Variants in REEP1 observed in about 807,000 individuals in gnomAD.
REEP1 encodes receptor accessory protein 1, also known as receptor expression-enhancing protein 1.
In REEP1, 22 loss-of-function variants were observed where a neutral mutation model predicts 40.3. That is an observed-to-expected ratio of 0.55 (90% CI 0.39 to 0.78). REEP1 has a LOEUF of 0.78. REEP1 is among the 30% of genes least tolerant of loss of function. The probability of loss-of-function intolerance (pLI) is 0.00; values close to 1 mark genes in which losing one functional copy is unlikely to be tolerated. For missense variants in REEP1, 280 were observed against 361.1 expected (o/e 0.78, Z 1.82); for synonymous variants, 116 against 139.2 (o/e 0.83, Z 1.17).
intron 2 of REEP1, among the ~76,000 whole-genome samples, chr2:86,276,343 T>C (rs557043106): frequency 2.6e-5 from 4 of 152,350 alleles, no homozygotes; most frequent in African/African-American, 9.6e-5. Context: ...ATTCATTTTT[T>C]CTGCATGTGG....
intron 2 of REEP1, among the ~76,000 whole-genome samples, chr2:86,271,817 G>C (rs1466529245): frequency 2.0e-5 from 3 of 152,218 alleles, no homozygotes; most frequent in Non-Finnish European, 4.4e-5. Flanking sequence ...TCAGTATCCA[G>C]ACACATTGTC....
At position 86,252,002 on chromosome 2, in the gene REEP1, C is replaced by A; in HGVS notation, c.372G>T (p.Arg124=). Residue 124 remains arginine, a synonymous_variant, in exon 5 of 9, where the codon CGG becomes CGT. Coordinates refer to ENST00000538924, the MANE Select transcript of REEP1 (RefSeq NM_001371279.1). ...CCGCTGTGGCGGCCACGTTCAAGCC[C>A]CGCTTCCCGAAGTGCACAAGGGCAT... ...SYDALVHFGK[R]GLNVAATAAV... is the part of the protein sequence containing the mutation. The A allele has an allele frequency of 6.2e-7, 1 of 1,614,116 alleles. No homozygotes were observed. Among genetic ancestry groups the A allele is most frequent in the East Asian group, 2.2e-5 (1 of 44,878 alleles).
At chr2:86,307,248 T>C (rs982444150) in intron 1 of REEP1, among the ~76,000 whole-genome samples, 6 of 149,962 alleles carry the variant, frequency 4.0e-5, no homozygotes, top group African/African-American at 1.5e-4. Context: ...TTCTACTTTA[T>C]GGAATCTAGC....
chr2:86,294,842 C>T lies in REEP1; in HGVS notation c.33-12600G>A, dbSNP rs142979211. On this transcript the variant is annotated intron_variant, in intron 1 of 8. Transcript: ENST00000538924. Reference sequence around the variant, plus strand: ...TAATTGTGTGGCTCATAAGAAATTACCATGATTCCAGGCCACTGGGTTTGT... The same window carrying T: ...TAATTGTGTGGCTCATAAGAAATTATCATGATTCCAGGCCACTGGGTTTGT... 6.9e-4 allele frequency among the ~76,000 whole-genome samples: 105 copies of T among 152,146 alleles called. 3 individuals carry two copies. The South Asian group carries it at 0.013, about 18-fold the overall frequency.
intron 3 of REEP1, among the ~76,000 whole-genome samples, chr2:86,261,709 C>T (rs1256427722): frequency 1.3e-5 from 2 of 152,088 alleles, no homozygotes; most frequent in Non-Finnish European, 2.9e-5. Context: ...TCCCCCAGCC[C>T]GACACCTGTA....
chr2:86,287,081 C>T (rs1329493211), intron 1 of REEP1, among the ~76,000 whole-genome samples: 2 of 152,076 alleles, frequency 1.3e-5, no homozygotes, highest in Non-Finnish European at 2.9e-5. Flanking sequence ...TAAAACTGTA[C>T]ACATCTTATT....
intron 5 of REEP1, among the ~76,000 whole-genome samples, chr2:86,237,871 T>C (rs1675445582): frequency 6.6e-6 from 1 of 151,958 alleles, no homozygotes. Flanking sequence ...TGTCTAAGAG[T>C]CTTTTTGATA....
At chr2:86,278,688 G>C (rs527421828) in intron 2 of REEP1, among the ~76,000 whole-genome samples, 15 of 152,298 alleles carry the variant, frequency 9.8e-5, no homozygotes, top group Admixed American at 2.6e-4. Context: ...CCCCTATCCA[G>C]GACTGTGCAC....
chr2:86,319,725 AG>A (rs565311081), intron 1 of REEP1, among the ~76,000 whole-genome samples: 37 of 152,266 alleles, frequency 2.4e-4, no homozygotes, highest in Non-Finnish European at 5.1e-4. Context: ...AAAGAAGAAA[AG>A]AAAAAGAAAA....
At chr2:86,239,766 A>T (rs1398900639) in intron 5 of REEP1, among the ~76,000 whole-genome samples, 1 of 152,252 alleles carries the variant, frequency 6.6e-6, no homozygotes, top group Non-Finnish European at 1.5e-5. Flanking sequence ...AAACAAAGAA[A>T]AGAAAAAACC....
At chr2:86,301,815 A>G (rs6547673) in intron 1 of REEP1, among the ~76,000 whole-genome samples, 68,155 of 152,046 alleles carry the variant, frequency 0.45, 15,454 homozygotes, top group Non-Finnish European at 0.48. Context: ...CAACAGATGC[A>G]CCTGTCCAAG....
chr2:86,216,921 T>G lies in REEP1; in HGVS notation c.*118A>C. The G allele has an allele frequency of 1.3e-6, 1 of 783,844 alleles. No individual in the cohort carries two copies. Among genetic ancestry groups the G allele is most frequent in the Non-Finnish European group, 2.2e-6 (1 of 461,818 alleles). The allele number at this position is 783,844 out of a possible 1,614,324, so 48.6% of individuals were successfully genotyped here. ...GGAAGGGGAGAGAGAAAAGGCCATGTTTGTGAGGCTGCACACTCAAAGCAC... is the reference window on the plus strand; with the variant it reads ...GGAAGGGGAGAGAGAAAAGGCCATGGTTGTGAGGCTGCACACTCAAAGCAC... On this transcript the variant is annotated 3_prime_UTR_variant, in exon 9 of 9. Coordinates refer to ENST00000538924, the MANE Select transcript of REEP1 (RefSeq NM_001371279.1).
intron 5 of REEP1, among the ~76,000 whole-genome samples, chr2:86,233,471 T>G (rs1675137734): frequency 6.6e-6 from 1 of 152,194 alleles, no homozygotes; most frequent in African/African-American, 2.4e-5. Context: ...CATTTCATAT[T>G]CTGAGGGAGA....
intron 2 of REEP1, among the ~76,000 whole-genome samples, chr2:86,269,722 G>GA (rs1452167122): frequency 6.6e-6 from 1 of 151,656 alleles, no homozygotes; most frequent in Admixed American, 6.6e-5. Context: ...AGGTGGTCAG[G>GA]AAAAAATAAT....
Position 86,217,684 on chromosome 2 carries a change from T to TTTTTTTTTTTTC in REEP1, c.784-575_784-574insGAAAAAAAAAAA, listed in dbSNP as rs1553456158. 8.5e-4 allele frequency among the ~76,000 whole-genome samples: 108 copies of TTTTTTTTTTTTC among 127,794 alleles called. 2 individuals are homozygous for TTTTTTTTTTTTC. Among genetic ancestry groups the TTTTTTTTTTTTC allele is most frequent in the Middle Eastern group, 4.4e-3 (1 of 226 alleles). 83.8% of individuals were successfully genotyped at this position (127,794 alleles called of 152,430 possible). ...ATTTCAGATTTTTTTTTTTTTTTTT[T>TTTTTTTTTTTTC]CAGATTTTGGGATGTTTGCATATAC... On this transcript the variant is annotated intron_variant, in intron 8 of 8. Coordinates refer to ENST00000538924, the MANE Select transcript of REEP1 (RefSeq NM_001371279.1).
intron 5 of REEP1, among the ~76,000 whole-genome samples, chr2:86,235,189 A>G (rs945107879): frequency 5.9e-5 from 9 of 152,218 alleles, no homozygotes; most frequent in Non-Finnish European, 1.3e-4. Context: ...GAAAGCGGAG[A>G]ACGACAAATG....
At chr2:86,295,801 G>A (rs1044589189) in intron 1 of REEP1, among the ~76,000 whole-genome samples, 7 of 152,172 alleles carry the variant, frequency 4.6e-5, no homozygotes, top group Non-Finnish European at 8.8e-5. Flanking sequence ...GGCCTCCCAA[G>A]GTGCTAGGAT....
Position 86,217,635 on chromosome 2 carries a change from T to C in REEP1, c.784-525A>G, listed in dbSNP as rs183098355. The stretch of plus-strand genomic sequence containing the variant: ...AGGTTGAATATCCCTTATCCGGAAA[T>C]GCCTGGAGTCAGAAGTGTTTGGGAT... On this transcript the variant is annotated intron_variant, in intron 8 of 8. Transcript: ENST00000538924. Among the ~76,000 whole-genome samples the C allele has an allele frequency of 6.6e-4, 99 of 149,954 alleles. 2 individuals are homozygous for C. The highest frequency in any genetic ancestry group is 5.5e-3 in the Admixed American group (82 of 14,964).
chr2:86,232,783 T>C lies in REEP1; in HGVS notation c.437A>G (p.Glu146Gly), dbSNP rs368685628. The C allele has an allele frequency of 6.2e-7, 1 of 1,602,382 alleles. No individual in the cohort carries two copies. The highest frequency in any genetic ancestry group is 8.5e-7 in the Non-Finnish European group (1 of 1,179,924). Reference protein sequence around the residue: ...AASKGQGALSERLRSFSMQDL... With the variant: ...AASKGQGALSGRLRSFSMQDL... ...CTGCATGCTGAAGCTCCGCAGTCTC[T>C]CCGATAAGGCACCCTGTCCCTGGAT... is the stretch of plus-strand genomic sequence containing the variant. The change falls in exon 6 of 9, where the codon GAG becomes GGG. Residue 146 changes from glutamate (E) to glycine (G), a missense_variant. Coordinates refer to ENST00000538924, the MANE Select transcript of REEP1 (RefSeq NM_001371279.1).
Sources: gnomAD v4.1 joint callset for allele counts (sites outside exome capture counted in the v4.1 genomes callset) on GRCh38, gnomAD v4.1.1 for gene constraint, MANE v1.5 for transcripts, NCBI Gene and HGNC (gene_info 2026-07-23, HGNC 2026-07-21) for gene names.